Variants in MARCHF1 observed in about 807,000 individuals in gnomAD.
MARCHF1 encodes the protein E3 ubiquitin-protein ligase MARCHF1.
MARCHF1 carries 40 observed loss-of-function variants against 54.2 expected under a neutral mutation model. The observed-to-expected ratio is 0.74, with a 90% CI of 0.57 to 0.96. The LOEUF is 0.96. MARCHF1 is among the 40% of genes least tolerant of loss of function. The pLI, the probability that MARCHF1 is intolerant of heterozygous loss-of-function variation, is 0.00. For synonymous variants in MARCHF1, 236 were observed against 236.3 expected, an observed-to-expected ratio of 1.00 and a Z score of 0.01; for missense variants, 586 against 656.5, an observed-to-expected ratio of 0.89 and a Z score of 1.17.
At chr4:164,055,268 A>G (rs1234091582) in intron 2 of MARCHF1, 4 of 152,080 alleles carry the variant, frequency 2.6e-5, no homozygotes, top group Non-Finnish European at 5.9e-5. Flanking sequence ...ACATGCTGAA[A>G]CCCCATCTGT....
chr4:164,325,586 C>G (rs1166252952), intron 1 of MARCHF1, among the ~76,000 whole-genome samples: 1 of 151,688 alleles, frequency 6.6e-6, no homozygotes, highest in Non-Finnish European at 1.5e-5. Context: ...ATTCCAAAAC[C>G]TGAGATTACA....
At chr4:163,840,463 G>A (rs1749305395) in intron 4 of MARCHF1, among the ~76,000 whole-genome samples, 1 of 152,132 alleles carries the variant, frequency 6.6e-6, no homozygotes, top group Admixed American at 6.6e-5. Flanking sequence ...TGATGCTGAA[G>A]TTTGGGGTAC....
At chr4:163,796,583 A>C (rs1263198185) in intron 4 of MARCHF1, among the ~76,000 whole-genome samples, 3 of 151,984 alleles carry the variant, frequency 2.0e-5, no homozygotes, top group African/African-American at 7.3e-5. Flanking sequence ...AAAGCACAAC[A>C]CTATATTTAT....
intron 3 of MARCHF1, among the ~76,000 whole-genome samples, chr4:163,937,542 TGCACACATACACACAC>T (rs1310405989): frequency 6.6e-6 from 1 of 151,762 alleles, no homozygotes; most frequent in Non-Finnish European, 1.5e-5. Context: ...CATGCATGCA[TGCACACATACACACAC>T]GCACACACAT....
intron 3 of MARCHF1, among the ~76,000 whole-genome samples, chr4:163,952,228 G>T (rs1212961652): frequency 1.3e-5 from 2 of 152,112 alleles, no homozygotes; most frequent in Non-Finnish European, 2.9e-5. Context: ...ATCTATGAGA[G>T]ATTATTTCAC....
intron 1 of MARCHF1, among the ~76,000 whole-genome samples, chr4:164,309,970 A>G (rs900286987): frequency 8.5e-5 from 13 of 152,266 alleles, no homozygotes; most frequent in Non-Finnish European, 1.8e-4. Flanking sequence ...TGTCTTTCAC[A>G]ACAAATCATG....
chr4:164,142,257 T>A (rs562205793), intron 1 of MARCHF1, among the ~76,000 whole-genome samples: 35 of 152,286 alleles, frequency 2.3e-4, no homozygotes, highest in African/African-American at 8.2e-4. Flanking sequence ...GGGCACCCGC[T>A]ATTGCCCAGG....
At chr4:164,291,702 T>G (rs1734287244) in intron 1 of MARCHF1, among the ~76,000 whole-genome samples, 1 of 152,068 alleles carries the variant, frequency 6.6e-6, no homozygotes, top group African/African-American at 2.4e-5. Context: ...TGACATGTAT[T>G]GTAGACACAG....
chr4:163,684,081 G>A (rs1005179924), intron 5 of MARCHF1, among the ~76,000 whole-genome samples: 1 of 152,198 alleles, frequency 6.6e-6, no homozygotes, highest in Non-Finnish European at 1.5e-5. Flanking sequence ...ACCATGAAAG[G>A]CAAGAGTTGT....
chr4:163,719,692 G>C (rs1745381752), intron 4 of MARCHF1, among the ~76,000 whole-genome samples: 1 of 151,616 alleles, frequency 6.6e-6, no homozygotes, highest in Admixed American at 6.6e-5. Context: ...TCCAGCACCT[G>C]TTGTTTCCTG....
Position 163,612,477 on chromosome 4 carries a change from A to G in MARCHF1, c.804T>C (p.Tyr268=). 3 of 1,535,128 alleles carry G rather than the reference A, an allele frequency of 2.0e-6. No individual in the cohort carries two copies. The highest frequency in any genetic ancestry group is 1.4e-5 in the African/African-American group (1 of 73,040). ...SRNHEKSKGR[Y]HHRDPQLLQS... is the part of the protein sequence containing the mutation. ...GCAAGAGCTGAGGATCTCTGTGGTG[A>G]TATCTGCCTTTGCTCTTCTCATGAT... Residue 268 remains tyrosine (Y), a synonymous_variant, in exon 7 of 10, where the codon TAT becomes TAC. Coordinates refer to ENST00000514618, the MANE Select transcript of MARCHF1 (RefSeq NM_001394959.1).
chr4:164,118,373 G>C (rs897927167), intron 1 of MARCHF1, among the ~76,000 whole-genome samples: 5 of 150,522 alleles, frequency 3.3e-5, no homozygotes, highest in African/African-American at 1.2e-4. Context: ...TTTCCTAATA[G>C]AAACATACAA....
intron 4 of MARCHF1, among the ~76,000 whole-genome samples, chr4:163,757,262 G>A (rs1746704726): frequency 6.6e-6 from 1 of 152,164 alleles, no homozygotes; most frequent in Non-Finnish European, 1.5e-5. Flanking sequence ...CCATGTCCTG[G>A]CATTCTGTTG....
At chr4:164,354,300 GAC>G (rs1730446508) in intron 1 of MARCHF1, among the ~76,000 whole-genome samples, 1 of 131,904 alleles carries the variant, frequency 7.6e-6, no homozygotes, top group Non-Finnish European at 1.7e-5. Flanking sequence ...GCCGGGCAGA[GAC>G]ACAACCAAAA....
chr4:164,132,905 T>C (rs530625065), intron 1 of MARCHF1, among the ~76,000 whole-genome samples: 1 of 152,258 alleles, frequency 6.6e-6, no homozygotes, highest in Non-Finnish European at 1.5e-5. Context: ...TTACATAGTA[T>C]TTTATTTTCA....
intron 4 of MARCHF1, among the ~76,000 whole-genome samples, chr4:163,831,203 G>A (rs1237184595): frequency 6.6e-6 from 1 of 152,182 alleles, no homozygotes; most frequent in Non-Finnish European, 1.5e-5. Context: ...GGGGCTAGAT[G>A]CCTCTGAACT....
At chr4:163,562,352 C>T (rs952684383) in intron 8 of MARCHF1, among the ~76,000 whole-genome samples, 1 of 152,076 alleles carries the variant, frequency 6.6e-6, no homozygotes, top group African/African-American at 2.4e-5. Context: ...ACTGTAACTA[C>T]TCTTGCCAAA....
At chr4:163,970,040 G>T (rs1752518670) in intron 3 of MARCHF1, among the ~76,000 whole-genome samples, 1 of 152,156 alleles carries the variant, frequency 6.6e-6, no homozygotes, top group African/African-American at 2.4e-5. Context: ...AAAGCCATTA[G>T]ATCTCACATA....
chr4:163,916,785 C>T (rs1327330852), intron 3 of MARCHF1, among the ~76,000 whole-genome samples: 2 of 152,114 alleles, frequency 1.3e-5, no homozygotes, highest in Non-Finnish European at 2.9e-5. Flanking sequence ...GCCACTGCCA[C>T]TATCAACACC....
Sources: allele counts gnomAD v4.1 joint callset (sites outside exome capture counted in the v4.1 genomes callset), GRCh38; gene constraint gnomAD v4.1.1; transcripts MANE v1.5; gene names NCBI Gene and HGNC (gene_info 2026-07-23, HGNC 2026-07-21).